CLOCK: variants seen among roughly 807,000 people sequenced by gnomAD.
CLOCK encodes the protein clock circadian regulator.
A neutral mutation model predicts 118.4 loss-of-function variants in CLOCK; 43 were observed. The observed-to-expected ratio is 0.36, with a 90% CI of 0.28 to 0.47. CLOCK has a LOEUF of 0.47. CLOCK is among the 20% of genes least tolerant of loss of function. CLOCK has a pLI of 1.00. For synonymous variants in CLOCK, 326 were observed against 339.2 expected (o/e 0.96, Z 0.43); for missense variants, 846 against 999.9 (o/e 0.85, Z 2.08).
intron 3 of CLOCK, among the ~76,000 whole-genome samples, chr4:55,484,761 C>A (rs115906337): frequency 0.014 from 2,196 of 152,038 alleles, 46 homozygotes; most frequent in African/African-American, 0.05. Flanking sequence ...AAAAAAAGGG[C>A]AGGGGGTGGT....
At chr4:55,442,363 A>C in intron 21 of CLOCK, 69 bp downstream of exon 21, 1 of 1,381,850 alleles carries the variant, frequency 7.2e-7, no homozygotes, top group East Asian at 2.3e-5. Flanking sequence ...TTGATTAAGA[A>C]ATCAAATTAT....
chr4:55,498,239 TCCCC>T (rs1728210038), intron 2 of CLOCK, among the ~76,000 whole-genome samples: 1 of 152,164 alleles, frequency 6.6e-6, no homozygotes, highest in African/African-American at 2.4e-5. Flanking sequence ...CCACAAGTAT[TCCCC>T]TTTGTGCAAT....
intron 4 of CLOCK, among the ~76,000 whole-genome samples, chr4:55,481,727 C>T (rs1299956316): frequency 2.0e-5 from 3 of 152,102 alleles, no homozygotes; most frequent in Admixed American, 6.6e-5. Context: ...TGGAGCACAC[C>T]GAACAGTGCA....
At chr4:55,475,909 T>A (rs1302620050) in intron 7 of CLOCK, 54 bp downstream of exon 7, 7 of 1,251,878 alleles carry the variant, frequency 5.6e-6, no homozygotes, top group Non-Finnish European at 8.2e-6. Context: ...TAAGTCACCC[T>A]GTGATTTCTT....
At chr4:55,463,842 T>A (rs1167774268) in intron 8 of CLOCK, 37 bp from the exon 9 acceptor site, 1 of 1,577,500 alleles carries the variant, frequency 6.3e-7, no homozygotes, top group Admixed American at 1.7e-5. Context: ...ATAACTTCAA[T>A]GATTCAAGAG....
chr4:55,483,299 G>A (rs1402718502), intron 3 of CLOCK, among the ~76,000 whole-genome samples: 1 of 152,000 alleles, frequency 6.6e-6, no homozygotes, highest in Admixed American at 6.5e-5. Flanking sequence ...ATAATAAGAG[G>A]TATAATGAAG....
At chr4:55,438,081 C>T (rs138048924) in intron 22 of CLOCK, among the ~76,000 whole-genome samples, 2,325 of 152,230 alleles carry the variant, frequency 0.015, 22 homozygotes, top group Non-Finnish European at 0.026. Context: ...CCCAATGGCA[C>T]GTCTAAAGTC....
At chr4:55,454,179 C>T (rs1724720305) in intron 13 of CLOCK, among the ~76,000 whole-genome samples, 3 of 152,258 alleles carry the variant, frequency 2.0e-5, no homozygotes, top group Non-Finnish European at 2.9e-5. Context: ...CTGGCAGGCA[C>T]AGAATCTTTG....
At chr4:55,473,710 A>G (rs969237211) in intron 7 of CLOCK, among the ~76,000 whole-genome samples, 1 of 152,112 alleles carries the variant, frequency 6.6e-6, no homozygotes, top group South Asian at 2.1e-4. Context: ...TGGGTCAAGC[A>G]AGTCTATCAG....
Position 55,453,745 on chromosome 4 carries a change from A to C in CLOCK, c.1062T>G (p.His354Gln). 6.2e-7 allele frequency: 1 copy of C among 1,611,080 alleles called. No individual in the cohort carries two copies. Among genetic ancestry groups the C allele is most frequent in the Non-Finnish European group, 8.5e-7 (1 of 1,178,058 alleles). Reference protein sequence around the residue: ...KGQQWIWLQTHYYITYHQWNS... With the variant: ...KGQQWIWLQTQYYITYHQWNS... ...TCCACTGATGGTAAGTGATATAATAATGAGTCTGAAGCCAAATCCACTGTT... is the reference window on the plus strand; with the variant it reads ...TCCACTGATGGTAAGTGATATAATACTGAGTCTGAAGCCAAATCCACTGTT... Residue 354 changes from histidine to glutamine, a missense_variant, in exon 14 of 23, where the codon CAT (histidine) becomes CAG (glutamine). His to Gln is a conservative substitution (Grantham distance 24). This residue lies in a region of CLOCK where 66 missense variants were observed against 99.4 expected (regional missense o/e 0.66). Transcript: ENST00000513440.
chr4:55,446,719 T>C (rs1723879537), intron 18 of CLOCK, among the ~76,000 whole-genome samples: 1 of 152,234 alleles, frequency 6.6e-6, no homozygotes, highest in African/African-American at 2.4e-5. Flanking sequence ...GTGATTCATC[T>C]CTTAAGTCTA....
chr4:55,476,412 G>A (rs1376458639), intron 6 of CLOCK, among the ~76,000 whole-genome samples: 1 of 151,728 alleles, frequency 6.6e-6, no homozygotes, highest in Non-Finnish European at 1.5e-5. Flanking sequence ...TCCTTCCCTT[G>A]CCATTCAAAT....
At chr4:55,508,242 G>A (rs1728932349) in intron 2 of CLOCK, among the ~76,000 whole-genome samples, 1 of 152,096 alleles carries the variant, frequency 6.6e-6, no homozygotes, top group South Asian at 2.1e-4. Flanking sequence ...AAGATGTTAG[G>A]TATGTAAGGT....
chr4:55,542,258 C>T (rs1040586296), intron 1 of CLOCK, among the ~76,000 whole-genome samples: 2 of 150,760 alleles, frequency 1.3e-5, no homozygotes, highest in Non-Finnish European at 2.9e-5. Flanking sequence ...GCAGGAGAAT[C>T]GCTTGAACCA....
intron 2 of CLOCK, among the ~76,000 whole-genome samples, chr4:55,490,177 G>A (rs1217150220): frequency 6.6e-6 from 1 of 151,762 alleles, no homozygotes; most frequent in Non-Finnish European, 1.5e-5. Context: ...GTGAAAGAAT[G>A]GAAAAATATA....
intron 2 of CLOCK, among the ~76,000 whole-genome samples, chr4:55,507,934 C>G (rs11725081): frequency 0.034 from 5,129 of 152,230 alleles, 104 homozygotes; most frequent in Non-Finnish European, 0.054. Context: ...CTCCTGTTTT[C>G]AGACAGTAAA....
chr4:55,478,854 C>G lies in CLOCK; in HGVS notation c.217G>C (p.Val73Leu). The change falls in exon 6 of 23, where the codon GTT (valine) becomes CTT (leucine). Residue 73 changes from valine (V) to leucine (L), a missense_variant. This residue lies in a region of CLOCK where 246 missense variants were observed against 300.2 expected (regional missense o/e 0.82). Transcript: ENST00000513440. ...GNARKMDKST[V>L]LQKSIDFLRK... ...AAAAAATCAATGCTTTTCTGCAGAA[C>G]AGTAGATTTGTCCATCTTTCTAGCA... 6.2e-7 allele frequency: 1 copy of G among 1,612,930 alleles called. No individual in the cohort carries two copies. Among genetic ancestry groups the G allele is most frequent in the Non-Finnish European group, 8.5e-7 (1 of 1,179,378 alleles).
intron 3 of CLOCK, among the ~76,000 whole-genome samples, chr4:55,484,473 T>C (rs575858739): frequency 2.6e-5 from 4 of 152,196 alleles, no homozygotes; most frequent in South Asian, 2.1e-4. Flanking sequence ...TATCAGCAGA[T>C]GGAACACAGA....
intron 1 of CLOCK, among the ~76,000 whole-genome samples, chr4:55,517,673 T>C (rs901213657): frequency 2.6e-5 from 4 of 152,206 alleles, no homozygotes; most frequent in Non-Finnish European, 4.4e-5. Context: ...TCCCTTCTCT[T>C]CTGTTTTTTA....
Sources: allele counts gnomAD v4.1 joint callset (sites outside exome capture counted in the v4.1 genomes callset), GRCh38; gene constraint gnomAD v4.1.1; regional missense constraint gnomAD v4.1.1; transcripts MANE v1.5; gene names NCBI Gene and HGNC (gene_info 2026-07-23, HGNC 2026-07-21).